The following PIWIL4 variants were observed in gnomAD, a reference collection of about 807,000 sequenced individuals.
The protein encoded by PIWIL4 is piwi like RNA-mediated gene silencing 4, also known as piwi-like protein 4.
PIWIL4 carries 50 observed loss-of-function variants against 100.9 expected under a neutral mutation model. The observed-to-expected ratio is 0.50, with a 90% CI of 0.39 to 0.63. PIWIL4 has a LOEUF of 0.63. PIWIL4 is among the 20% of genes least tolerant of loss of function. The pLI, the probability that PIWIL4 is intolerant of heterozygous loss-of-function variation, is 0.00. For synonymous variants in PIWIL4, 342 were observed against 367.5 expected, an observed-to-expected ratio of 0.93 and a Z score of 0.79; for missense variants, 887 against 1,043.3, an observed-to-expected ratio of 0.85 and a Z score of 2.06.
At chr11:94,619,311 G>A (rs908575663) in intron 17 of PIWIL4, among the ~76,000 whole-genome samples, 1 of 152,236 alleles carries the variant, frequency 6.6e-6, no homozygotes, top group East Asian at 1.9e-4. Context: ...CATGAGTTTT[G>A]TGTAATACAG....
intron 9 of PIWIL4, among the ~76,000 whole-genome samples, chr11:94,594,464 TC>T (rs11340547): frequency 0.062 from 8,060 of 129,986 alleles, 333 homozygotes; most frequent in African/African-American, 0.1. Context: ...AGACTCTGTC[TC>T]CAAAAAAAAA....
At chr11:94,583,922 A>C (rs1339469402) in intron 5 of PIWIL4, among the ~76,000 whole-genome samples, 1 of 152,196 alleles carries the variant, frequency 6.6e-6, no homozygotes, top group Non-Finnish European at 1.5e-5. Flanking sequence ...AGTTTGGCTT[A>C]ATAAACTGAA....
At chr11:94,619,655 T>C in intron 17 of PIWIL4, 105 bp from the exon 18 acceptor site, 1 of 1,301,438 alleles carries the variant, frequency 7.7e-7, no homozygotes, top group East Asian at 2.6e-5. Flanking sequence ...TTGCAGTGTT[T>C]TTCAAATGGA....
chr11:94,608,682 A>T lies in PIWIL4; in HGVS notation c.1939A>T (p.Thr647Ser). The T allele has an allele frequency of 6.2e-7, 1 of 1,613,614 alleles. No individual in the cohort carries two copies. The highest frequency in any genetic ancestry group is 1.6e-4 in the Middle Eastern group (1 of 6,062). ...CGTGGCCAGTGTTAACCCCAGAATC[A>T]CCAGGTACTGCTAAAACTACCTGAA... Reference protein sequence around the residue: ...GCVASVNPRITRWFSRCILQR... With the variant: ...GCVASVNPRISRWFSRCILQR... Residue 647 changes from threonine to serine, a missense_variant, in exon 15 of 20, where the codon ACC (threonine) becomes TCC (serine). Around this residue, in one of 2 missense-constraint regions of PIWIL4, gnomAD observed 741 missense variants for 930.0 expected, o/e 0.80. Coordinates refer to ENST00000299001, the MANE Select transcript of PIWIL4 (RefSeq NM_152431.3).
At chr11:94,595,181 T>C (rs895971796) in intron 9 of PIWIL4, 128 bp from the exon 10 acceptor site, 5 of 678,746 alleles carry the variant, frequency 7.4e-6, no homozygotes, top group Non-Finnish European at 1.2e-5. Context: ...ACATACGTGG[T>C]TTTCATTTCT....
chr11:94,607,446 G>T lies in PIWIL4; in HGVS notation c.1646G>T (p.Cys549Phe). 1 of 1,613,538 alleles carries T rather than the reference G, an allele frequency of 6.2e-7. No homozygotes were observed. The highest frequency in any genetic ancestry group is 8.5e-7 in the Non-Finnish European group (1 of 1,179,742). ...YVDPDVQLVMCILPSNQKTYY... is the reference protein window; with the variant it reads ...YVDPDVQLVMFILPSNQKTYY... ...TGCTGTTTTTGCTTTTAGGTAATGT[G>T]CATTCTGCCTTCTAATCAGAAGACC... The change falls in exon 14 of 20, where the codon TGC becomes TTC. Residue 549 changes from cysteine to phenylalanine, a missense_variant. Cys to Phe is a radical substitution (Grantham distance 205). This residue lies in a region of PIWIL4 where 741 missense variants were observed against 930.0 expected (regional missense o/e 0.80). Transcript: ENST00000299001.
intron 6 of PIWIL4, among the ~76,000 whole-genome samples, chr11:94,586,141 G>A (rs971477571): frequency 2.6e-5 from 4 of 151,652 alleles, no homozygotes; most frequent in Non-Finnish European, 5.9e-5. Context: ...CTTCTGCTTG[G>A]TGGAGGAAAA....
intron 11 of PIWIL4, among the ~76,000 whole-genome samples, chr11:94,598,705 C>CTTTTTTTT (rs769342028): frequency 1.8e-5 from 2 of 110,068 alleles, no homozygotes; most frequent in Non-Finnish European, 1.8e-5. Flanking sequence ...TTTTTTCCAT[C>CTTTTTTTT]TTTTTTTTTT....
intron 8 of PIWIL4, among the ~76,000 whole-genome samples, 188 bp from the exon 9 acceptor site, chr11:94,593,330 A>C (rs777578631): frequency 6.6e-6 from 1 of 152,182 alleles, no homozygotes; most frequent in Non-Finnish European, 1.5e-5. Flanking sequence ...AAAGATAATT[A>C]AAATAATAAA....
Position 94,619,642 on chromosome 11 carries a change from G to C in PIWIL4, c.2169-118G>C, listed in dbSNP as rs1948884845. ...GGATTGTAGGTAATTTTTATTTTCTGTTTTGCAGTGTTTTTCAAATGGAAT... is the reference window on the plus strand; with the variant it reads ...GGATTGTAGGTAATTTTTATTTTCTCTTTTGCAGTGTTTTTCAAATGGAAT... On this transcript the variant is annotated intron_variant, in intron 17 of 19. Coordinates refer to ENST00000299001, the MANE Select transcript of PIWIL4 (RefSeq NM_152431.3). 3 of 1,169,166 alleles carry C rather than the reference G, an allele frequency of 2.6e-6. No individual in the cohort carries two copies. In the Admixed American group the frequency reaches 8.8e-5, roughly 34 times the overall value. 72.4% of individuals were successfully genotyped at this position (1,169,166 alleles called of 1,614,324 possible).
intron 4 of PIWIL4, 40 bp from the exon 5 acceptor site, chr11:94,583,408 A>G (rs757099912): frequency 2.3e-5 from 37 of 1,602,304 alleles, no homozygotes; most frequent in Non-Finnish European, 2.9e-5. Context: ...ACACTTGGGG[A>G]TAATTTGTAG....
chr11:94,595,728 A>G (rs774775398), intron 10 of PIWIL4, among the ~76,000 whole-genome samples: 3 of 152,264 alleles, frequency 2.0e-5, no homozygotes, highest in Non-Finnish European at 2.9e-5. Context: ...AATCTAAACA[A>G]TAACAACAAC....
chr11:94,601,990 A>G lies in PIWIL4; in HGVS notation c.1565+11A>G. On this transcript the variant is annotated intron_variant, in intron 12 of 19. Coordinates refer to ENST00000299001, the MANE Select transcript of PIWIL4 (RefSeq NM_152431.3). ...GGACTACCCCAAAATGTGAGAATAC[A>G]TTGAATTTTGTTCATATATTAATTT... The G allele has an allele frequency of 6.3e-7, 1 of 1,593,962 alleles. No individual in the cohort carries two copies. The highest frequency in any genetic ancestry group is 1.9e-5 in the Admixed American group (1 of 53,780).
intron 2 of PIWIL4, among the ~76,000 whole-genome samples, chr11:94,570,603 T>G: frequency 6.6e-6 from 1 of 151,882 alleles, no homozygotes; most frequent in East Asian, 1.9e-4. Flanking sequence ...TAAAACCAGT[T>G]AGCCAGGCCG....
At position 94,568,711 on chromosome 11, in the gene PIWIL4, CTTTT is replaced by C. The variant is rs757445602; in HGVS notation, c.88-14_88-11del. 2 of 1,561,996 alleles carry C rather than the reference CTTTT, an allele frequency of 1.3e-6. No individual in the cohort carries two copies. The highest frequency in any genetic ancestry group is 2.7e-5 in the African/African-American group (2 of 73,732). The stretch of plus-strand genomic sequence containing the variant: ...CTTACCATTGTAAATCTGAACAAAA[CTTTT>C]TTTTGCCATTTTAGCCTAGATCTGT... On this transcript the variant is annotated splice_polypyrimidine_tract_variant and intron_variant, in intron 1 of 19. Transcript: ENST00000299001.
At chr11:94,614,028 C>T (rs1948815627) in intron 15 of PIWIL4, among the ~76,000 whole-genome samples, 1 of 152,076 alleles carries the variant, frequency 6.6e-6, no homozygotes, top group African/African-American at 2.4e-5. Context: ...TCCCAAAGTG[C>T]TGGGATTATA....
chr11:94,575,876 C>G (rs1015534466), intron 3 of PIWIL4, among the ~76,000 whole-genome samples: 1 of 152,174 alleles, frequency 6.6e-6, no homozygotes, highest in African/African-American at 2.4e-5. Flanking sequence ...CTCTGACAGT[C>G]TAGGTTGACT....
chr11:94,608,600 G>T lies in PIWIL4; in HGVS notation c.1857G>T (p.Val619=). 6.2e-7 allele frequency: 1 copy of T among 1,613,958 alleles called. No homozygotes were observed. Among genetic ancestry groups the T allele is most frequent in the Non-Finnish European group, 8.5e-7 (1 of 1,179,850 alleles). ...AVEIPLKSLM[V]VGIDVCKDAL... is the part of the protein sequence containing the mutation. The stretch of plus-strand genomic sequence containing the variant: ...TTTTATAGTTAAAGTCCCTGATGGT[G>T]GTCGGTATTGATGTCTGTAAAGATG... The change falls in exon 15 of 20, where the codon GTG becomes GTT. Residue 619 remains valine (V), a synonymous_variant. Transcript: ENST00000299001.
intron 15 of PIWIL4, among the ~76,000 whole-genome samples, chr11:94,614,847 A>G (rs1565284480): frequency 6.6e-6 from 1 of 152,140 alleles, no homozygotes; most frequent in African/African-American, 2.4e-5. Context: ...AATCCCACAA[A>G]GCCAGGCCAG....
Sources: gnomAD v4.1 joint callset for allele counts (sites outside exome capture counted in the v4.1 genomes callset) on GRCh38, gnomAD v4.1.1 for gene constraint, gnomAD v4.1.1 regional missense constraint, MANE v1.5 for transcripts, NCBI Gene and HGNC (gene_info 2026-07-23, HGNC 2026-07-21) for gene names.